CHI3L2: variants seen among roughly 807,000 people sequenced by gnomAD.
CHI3L2 encodes the protein chitinase-3-like protein 2.
A neutral mutation model predicts 47.3 loss-of-function variants in CHI3L2; 47 were observed. The observed-to-expected ratio is 0.99, with a 90% CI of 0.79 to 1.27. The LOEUF (loss-of-function observed/expected upper bound fraction) is 1.27, where lower values mean the gene tolerates loss of function less well. CHI3L2 is among the 50% of genes most tolerant of loss of function. The probability of loss-of-function intolerance (pLI) is 0.00; values close to 1 mark genes in which losing one functional copy is unlikely to be tolerated. For synonymous variants in CHI3L2, 198 were observed against 169.9 expected, an observed-to-expected ratio of 1.17 and a Z score of -1.28; for missense variants, 497 against 462.1, an observed-to-expected ratio of 1.08 and a Z score of -0.69.
rs773001997 is a variant in CHI3L2 at position 111,241,358 on chromosome 1, C to T, written c.950C>T (p.Thr317Met). 2.2e-5 allele frequency: 36 copies of T among 1,602,436 alleles called. No homozygotes were observed. The highest frequency in any genetic ancestry group is 1.7e-4 in the African/African-American group (13 of 74,826). The change falls in exon 9 of 11, where the codon ACG (threonine) becomes ATG (methionine). Residue 317 changes from threonine to methionine, a missense_variant. Transcript: ENST00000369748. ...CAGTTCCTGAAAGGAGCCAAGATCA[C>T]GCGGCTCCAGGATCAGCAGGTTCCC... is the stretch of plus-strand genomic sequence containing the variant. The part of the protein sequence containing the change: ...ICQFLKGAKI[T>M]RLQDQQVPYA...
chr1:111,238,973 C>T (rs746377161), intron 8 of CHI3L2, 41 bp downstream of exon 8: 1 of 1,520,558 alleles, frequency 6.6e-7, no homozygotes, highest in Non-Finnish European at 8.8e-7. Flanking sequence ...CCTGCCATGT[C>T]TGGGTAGATG....
Position 111,238,815 on chromosome 1 carries a change from C to T in CHI3L2, c.801C>T (p.Pro267=). The T allele has an allele frequency of 1.9e-6, 3 of 1,614,070 alleles. No individual in the cohort carries two copies. Among genetic ancestry groups the T allele is most frequent in the Non-Finnish European group, 2.5e-6 (3 of 1,179,948 alleles). ...MPSEKVVMGI[P]TYGHSFTLAS... ...CAGAGAAGGTGGTCATGGGCATCCC[C>T]ACATATGGGCACTCCTTCACACTGG... The change falls in exon 8 of 11, where the codon CCC becomes CCT. Residue 267 remains proline (P), a synonymous_variant. Transcript: ENST00000369748.
chr1:111,235,121 C>A, intron 5 of CHI3L2, 64 bp downstream of exon 5: 2 of 1,546,038 alleles, frequency 1.3e-6, no homozygotes, highest in Non-Finnish European at 1.8e-6. Context: ...ACTCTGATAT[C>A]CAGAATCCAT....
chr1:111,243,372 T>C lies in CHI3L2; in HGVS notation c.*158T>C. 2.6e-6 allele frequency: 1 copy of C among 387,690 alleles called. No homozygotes were observed. Among genetic ancestry groups the C allele is most frequent in the Non-Finnish European group, 5.1e-6 (1 of 197,092 alleles). 24.0% of individuals were successfully genotyped at this position (387,690 alleles called of 1,614,324 possible). A position where few individuals can be genotyped will look rare whatever the true frequency, so the allele number is the denominator to read the frequency against. ...TCTTAGATCATAGATTGGACCTGGTTTTGTTTTCCTGCAGCTGTTGACTTG... is the reference window on the plus strand; with the variant it reads ...TCTTAGATCATAGATTGGACCTGGTCTTGTTTTCCTGCAGCTGTTGACTTG... On this transcript the variant is annotated 3_prime_UTR_variant, in exon 11 of 11. Transcript: ENST00000369748.
intron 8 of CHI3L2, among the ~76,000 whole-genome samples, chr1:111,241,063 G>C (rs2101557621): frequency 6.6e-6 from 1 of 152,276 alleles, no homozygotes; most frequent in South Asian, 2.1e-4. Context: ...CGGTGCTGGG[G>C]TCTGATCTGG....
intron 7 of CHI3L2, 87 bp from the exon 8 acceptor site, chr1:111,238,663 C>T (rs1464269717): frequency 6.5e-6 from 9 of 1,393,254 alleles, no homozygotes; most frequent in Non-Finnish European, 8.1e-6. Context: ...AGGCAGTCAC[C>T]TCTGTGAAGT....
rs777322730 is a variant in CHI3L2 at position 111,231,294 on chromosome 1, G to T, written c.329G>T (p.Gly110Val). ...SIGGYLFGSK[G>V]FHPMVDSSTS... Reference sequence around the variant, plus strand: ...GGAGGGTACCTGTTTGGTTCCAAAGGGTAAGACTACATCTTTATTTTTTGT... The same window carrying T: ...GGAGGGTACCTGTTTGGTTCCAAAGTGTAAGACTACATCTTTATTTTTTGT... The change falls in exon 4 of 11, where the codon GGG (glycine) becomes GTG (valine). Residue 110 changes from glycine (G) to valine (V), a missense_variant and splice_region_variant. Coordinates refer to ENST00000369748, the MANE Select transcript of CHI3L2 (RefSeq NM_004000.3). 1.2e-6 allele frequency: 2 copies of T among 1,603,326 alleles called. No individual in the cohort carries two copies. The highest frequency in any genetic ancestry group is 1.7e-6 in the Non-Finnish European group (2 of 1,171,610).
intron 8 of CHI3L2, 27 bp from the exon 9 acceptor site, chr1:111,241,300 C>T: frequency 1.6e-6 from 2 of 1,234,028 alleles, no homozygotes; most frequent in Non-Finnish European, 2.4e-6. Context: ...CCATTACTGA[C>T]CCTCTCGTTT....
intron 4 of CHI3L2, among the ~76,000 whole-genome samples, chr1:111,232,217 TC>T (rs1659743966): frequency 6.6e-6 from 1 of 152,224 alleles, no homozygotes. Flanking sequence ...TGTTAACTCC[TC>T]CGTGAACACC....
chr1:111,242,537 C>T, intron 10 of CHI3L2, 171 bp downstream of exon 10: 1 of 516,514 alleles, frequency 1.9e-6, no homozygotes, highest in East Asian at 3.3e-5. Context: ...TCATAGGCTT[C>T]CCATAGACTT....
In CHI3L2 at chr1:111,243,440, A is replaced by G; in HGVS notation, c.*226A>G. ...AAAAAAAATTCATTTTGCTCCAGTA[A>G]GTATGGCCTCATTTATTCAGTCCTT... On this transcript the variant is annotated 3_prime_UTR_variant, in exon 11 of 11. Coordinates refer to ENST00000369748, the MANE Select transcript of CHI3L2 (RefSeq NM_004000.3). The G allele has an allele frequency of 2.8e-6, 1 of 357,730 alleles. No individual in the cohort carries two copies. Among genetic ancestry groups the G allele is most frequent in the South Asian group, 2.1e-5 (1 of 46,548 alleles). 22.2% of individuals were successfully genotyped at this position (357,730 alleles called of 1,614,324 possible). A position where few individuals can be genotyped will look rare whatever the true frequency, so the allele number is the denominator to read the frequency against.
At chr1:111,230,451 G>T (rs1315691505) in intron 2 of CHI3L2, among the ~76,000 whole-genome samples, 1 of 152,036 alleles carries the variant, frequency 6.6e-6, no homozygotes, top group Non-Finnish European at 1.5e-5. Flanking sequence ...ATGGGGTTTT[G>T]CTATGTTGCC....
chr1:111,240,784 G>A (rs1660025503), intron 8 of CHI3L2, among the ~76,000 whole-genome samples: 1 of 152,122 alleles, frequency 6.6e-6, no homozygotes, highest in Admixed American at 6.5e-5. Context: ...ATGATAGAAG[G>A]GGAGCCCCAG....
intron 4 of CHI3L2, 119 bp downstream of exon 4, chr1:111,231,413 T>A: frequency 1.4e-6 from 1 of 722,104 alleles, no homozygotes; most frequent in Non-Finnish European, 2.4e-6. Flanking sequence ...CTTGGCCAGG[T>A]GGCAAAACTG....
chr1:111,233,124 G>A (rs1188463538), intron 4 of CHI3L2, among the ~76,000 whole-genome samples: 1 of 152,136 alleles, frequency 6.6e-6, no homozygotes, highest in African/African-American at 2.4e-5. Context: ...AAATGCTATT[G>A]GTGCCCTTGG....
intron 4 of CHI3L2, 136 bp from the exon 5 acceptor site, chr1:111,234,771 G>T: frequency 1.3e-6 from 1 of 781,466 alleles, no homozygotes; most frequent in East Asian, 2.6e-5. Context: ...GTTCCAAAAG[G>T]GGAAAGCATT....
intron 9 of CHI3L2, 100 bp from the exon 10 acceptor site, chr1:111,242,124 ACTG>A: frequency 3.5e-6 from 5 of 1,439,718 alleles, no homozygotes; most frequent in Non-Finnish European, 4.8e-6. Flanking sequence ...CAGTTAGTCT[ACTG>A]CTGTATTTTA....
At chr1:111,227,969 A>C (rs2147790) in intron 1 of CHI3L2, among the ~76,000 whole-genome samples, 200 bp downstream of exon 1, 1 of 152,184 alleles carries the variant, frequency 6.6e-6, no homozygotes, top group Non-Finnish European at 1.5e-5. Context: ...AGCAGTAGCC[A>C]GAACCCTTTG....
intron 4 of CHI3L2, 63 bp downstream of exon 4, chr1:111,231,357 C>A: frequency 7.7e-7 from 1 of 1,291,900 alleles, no homozygotes; most frequent in Non-Finnish European, 1.1e-6. Context: ...CATCATTTTT[C>A]CTCCTTCTAA....
Sources: gnomAD v4.1 joint callset for allele counts (sites outside exome capture counted in the v4.1 genomes callset) on GRCh38, gnomAD v4.1.1 for gene constraint, MANE v1.5 for transcripts, NCBI Gene and HGNC (gene_info 2026-07-23, HGNC 2026-07-21) for gene names.